Variants in CDH13 observed in about 807,000 individuals in gnomAD.
CDH13 encodes the protein cadherin 13.
In CDH13, 24 loss-of-function variants were observed where a neutral mutation model predicts 63.8. That is an observed-to-expected ratio of 0.38 (90% CI 0.27 to 0.53). CDH13 has a LOEUF of 0.53. CDH13 is among the 20% of genes least tolerant of loss of function. The pLI is 0.85. For synonymous variants in CDH13, 503 were observed against 355.3 expected, an observed-to-expected ratio of 1.42 and a Z score of -4.67; for missense variants, 1,049 against 903.1, an observed-to-expected ratio of 1.16 and a Z score of -2.07.
At chr16:83,174,969 G>T (rs896489689) in intron 4 of CDH13, among the ~76,000 whole-genome samples, 1 of 152,056 alleles carries the variant, frequency 6.6e-6, no homozygotes, top group East Asian at 1.9e-4. Context: ...CTCCAACCAG[G>T]TCCCTCCCCT....
At chr16:83,279,103 TC>T (rs2089082609) in intron 5 of CDH13, among the ~76,000 whole-genome samples, 1 of 152,120 alleles carries the variant, frequency 6.6e-6, no homozygotes, top group Non-Finnish European at 1.5e-5. Context: ...TTTTTTTTTT[TC>T]ATTTTGTGAA....
At chr16:83,132,957 C>T (rs937201955) in intron 4 of CDH13, among the ~76,000 whole-genome samples, 6 of 152,154 alleles carry the variant, frequency 3.9e-5, no homozygotes, top group African/African-American at 9.7e-5. Context: ...CTGGGATACA[C>T]CCTCTGTATC....
At chr16:83,694,496 A>C (rs1051494159) in intron 10 of CDH13, among the ~76,000 whole-genome samples, 6 of 152,258 alleles carry the variant, frequency 3.9e-5, no homozygotes, top group African/African-American at 1.4e-4. Context: ...TGAGTCTTCC[A>C]CAGTGCTCGT....
chr16:82,688,630 C>A (rs1307057125), intron 1 of CDH13, among the ~76,000 whole-genome samples: 1 of 152,076 alleles, frequency 6.6e-6, no homozygotes, highest in Non-Finnish European at 1.5e-5. Context: ...TCTTTTGAAC[C>A]ATTTTGGGAT....
At chr16:83,448,318 T>C (rs2072773093) in intron 6 of CDH13, among the ~76,000 whole-genome samples, 1 of 152,126 alleles carries the variant, frequency 6.6e-6, no homozygotes, top group African/African-American at 2.4e-5. Context: ...ACCATCATGG[T>C]AGCTAGACAT....
chr16:83,440,773 A>T (rs117212534), intron 6 of CDH13, among the ~76,000 whole-genome samples: 4,463 of 123,248 alleles, frequency 0.036, 69 homozygotes, highest in East Asian at 0.1. Flanking sequence ...CAGCAGATTG[A>T]GACTTCATCT....
At chr16:82,713,509 ACT>A (rs1164948892) in intron 1 of CDH13, among the ~76,000 whole-genome samples, 1 of 151,662 alleles carries the variant, frequency 6.6e-6, no homozygotes, top group East Asian at 1.9e-4. Flanking sequence ...CTCTGCCAAC[ACT>A]CTGTGCGGTG....
intron 1 of CDH13, among the ~76,000 whole-genome samples, chr16:82,797,994 A>C (rs1338286059): frequency 6.6e-6 from 1 of 152,192 alleles, no homozygotes; most frequent in Admixed American, 6.5e-5. Flanking sequence ...ATCCAGATTT[A>C]AGATGTCATT....
intron 1 of CDH13, among the ~76,000 whole-genome samples, chr16:82,803,506 A>T (rs2036976087): frequency 6.6e-6 from 1 of 152,092 alleles, no homozygotes; most frequent in South Asian, 2.1e-4. Context: ...AATTCCTTAC[A>T]ATTTTTTCTG....
At chr16:83,034,329 T>G (rs980417561) in intron 3 of CDH13, among the ~76,000 whole-genome samples, 2 of 152,146 alleles carry the variant, frequency 1.3e-5, no homozygotes, top group African/African-American at 4.8e-5. Flanking sequence ...ACAATTCCCC[T>G]TCAGCATCTG....
intron 2 of CDH13, among the ~76,000 whole-genome samples, chr16:82,995,787 T>A (rs990915305): frequency 8.5e-5 from 13 of 152,152 alleles, no homozygotes; most frequent in Admixed American, 7.2e-4. Context: ...TGATTGGATA[T>A]AACTAGATGA....
In CDH13 at chr16:83,419,856, G is replaced by T. The variant is rs142944556; in HGVS notation, c.782-66621G>T. ...ATCTTGCTTCCAAACAAAATAAACT[G>T]TATTACACATTCAGCTCTACATAAT... On this transcript the variant is annotated intron_variant, in intron 6 of 13. Transcript: ENST00000567109. Among the ~76,000 whole-genome samples, 177 of 151,498 alleles carry T rather than the reference G, an allele frequency of 1.2e-3. 2 individuals carry two copies. The East Asian group carries it at 0.028, about 24-fold the overall frequency.
intron 4 of CDH13, among the ~76,000 whole-genome samples, chr16:83,126,962 A>G (rs1031697410): frequency 6.6e-6 from 1 of 152,144 alleles, no homozygotes; most frequent in African/African-American, 2.4e-5. Context: ...TGGCAGGATG[A>G]AGGAGTAGAG....
chr16:83,085,315 C>T (rs564378261), intron 3 of CDH13, among the ~76,000 whole-genome samples: 3 of 151,998 alleles, frequency 2.0e-5, no homozygotes, highest in Non-Finnish European at 4.4e-5. Context: ...AGACCAGCCC[C>T]CAGGATTCAA....
chr16:82,652,044 T>G (rs1052455457), intron 1 of CDH13, among the ~76,000 whole-genome samples: 6 of 152,242 alleles, frequency 3.9e-5, no homozygotes, highest in African/African-American at 1.4e-4. Flanking sequence ...AACAACTTGC[T>G]CGGCCAACCT....
At chr16:83,416,486 G>C (rs1050044523) in intron 6 of CDH13, among the ~76,000 whole-genome samples, 1 of 152,046 alleles carries the variant, frequency 6.6e-6, no homozygotes, top group African/African-American at 2.4e-5. Context: ...CTCTTCTTGT[G>C]CCTCTCATGT....
chr16:83,460,517 G>A (rs937989242), intron 6 of CDH13, among the ~76,000 whole-genome samples: 15 of 152,144 alleles, frequency 9.9e-5, no homozygotes, highest in South Asian at 2.1e-4. Flanking sequence ...CAGTGTGTAC[G>A]TCTGATGAAC....
intron 2 of CDH13, among the ~76,000 whole-genome samples, chr16:82,993,548 C>T (rs116191387): frequency 0.011 from 1,678 of 152,172 alleles, 28 homozygotes; most frequent in African/African-American, 0.035. Context: ...TAGCATTGGG[C>T]CATGTTTAAG....
chr16:82,818,274 C>T (rs1273164150), intron 1 of CDH13, among the ~76,000 whole-genome samples: 1 of 152,038 alleles, frequency 6.6e-6, no homozygotes, highest in Non-Finnish European at 1.5e-5. Context: ...CTTGAAGTTG[C>T]CCGGCCAAGG....
Sources: gnomAD v4.1 joint callset for allele counts (sites outside exome capture counted in the v4.1 genomes callset) on GRCh38, gnomAD v4.1.1 for gene constraint, MANE v1.5 for transcripts, NCBI Gene and HGNC (gene_info 2026-07-23, HGNC 2026-07-21) for gene names.